VWF: variants seen among roughly 807,000 people sequenced by gnomAD.
The protein encoded by VWF is Factor VIII related antigen.
A neutral mutation model predicts 308.6 loss-of-function variants in VWF; 176 were observed. That is an observed-to-expected ratio of 0.57 (90% CI 0.50 to 0.65). The LOEUF is 0.65. Among genes scored for constraint, VWF ranks in the 30% least tolerant of loss-of-function variants. The pLI, the probability that VWF is intolerant of heterozygous loss-of-function variation, is 0.00. For synonymous variants in VWF, 1,385 were observed against 1,443.4 expected, an observed-to-expected ratio of 0.96 and a Z score of 0.92; for missense variants, 3,146 against 3,648.2, an observed-to-expected ratio of 0.86 and a Z score of 3.55.
chr12:6,110,587 AG>A lies in VWF; in HGVS notation c.324-6del, dbSNP rs750028498. The A allele has an allele frequency of 1.9e-6, 3 of 1,614,022 alleles. No homozygotes were observed. Among genetic ancestry groups the A allele is most frequent in the Non-Finnish European group, 2.5e-6 (3 of 1,179,970 alleles). Reference sequence around the variant, plus strand: ...GAGGCATAGGGCATGGAGACTCTGGAGGGCAAAGGCTAAGTTCAGAAGTGGG... The same window carrying A: ...GAGGCATAGGGCATGGAGACTCTGGAGGCAAAGGCTAAGTTCAGAAGTGGG... On this transcript the variant is annotated splice_polypyrimidine_tract_variant and splice_region_variant and intron_variant, in intron 4 of 51. Transcript: ENST00000261405.
At chr12:6,099,057 C>T (rs1189179522) in intron 5 of VWF, among the ~76,000 whole-genome samples, 2 of 151,572 alleles carry the variant, frequency 1.3e-5, no homozygotes, top group African/African-American at 2.4e-5. Flanking sequence ...CAGTGGCTCA[C>T]ATCTATAATT....
In VWF at chr12:5,985,678, C is replaced by T. The variant is rs764580600; in HGVS notation, c.6799-13G>A. 6.2e-6 allele frequency: 10 copies of T among 1,612,736 alleles called. No individual in the cohort carries two copies. The South Asian group carries it at 9.9e-5, about 16-fold the overall frequency. Reference sequence around the variant, plus strand: ...AGGCTTCCAGGAACTGAGGGCAAAGCGAGGTTCAGAAAGGGCACAGGACAT... The same window carrying T: ...AGGCTTCCAGGAACTGAGGGCAAAGTGAGGTTCAGAAAGGGCACAGGACAT... On this transcript the variant is annotated splice_polypyrimidine_tract_variant and intron_variant, in intron 38 of 51. Coordinates refer to ENST00000261405, the MANE Select transcript of VWF (RefSeq NM_000552.5).
intron 47 of VWF, among the ~76,000 whole-genome samples, chr12:5,961,174 C>A (rs1943310524): frequency 6.6e-6 from 1 of 152,198 alleles, no homozygotes; most frequent in Non-Finnish European, 1.5e-5. Context: ...AGGGCTCCCA[C>A]TGATTCTACC....
chr12:6,064,462 G>A (rs1944690143), intron 11 of VWF, 78 bp from the exon 12 acceptor site: 2 of 1,588,568 alleles, frequency 1.3e-6, no homozygotes, highest in Admixed American at 1.7e-5. Context: ...CTCTTAATCA[G>A]AGAAAGGCCT....
intron 18 of VWF, among the ~76,000 whole-genome samples, chr12:6,042,707 C>T (rs216291): frequency 0.48 from 73,371 of 152,120 alleles, 19,676 homozygotes; most frequent in East Asian, 0.7. Context: ...GAGCGCCTAA[C>T]AGGATAGCCA....
chr12:6,094,429 T>A (rs189928719), intron 6 of VWF, among the ~76,000 whole-genome samples: 1 of 152,268 alleles, frequency 6.6e-6, no homozygotes, highest in East Asian at 1.9e-4. Context: ...AAGAAAGAAG[T>A]GGCTTTTTTC....
In VWF at chr12:6,016,581, G is replaced by A. The variant is rs751874044; in HGVS notation, c.5246C>T (p.Pro1749Leu). The A allele has an allele frequency of 1.7e-5, 27 of 1,614,098 alleles. No homozygotes were observed. Among genetic ancestry groups the A allele is most frequent in the South Asian group, 1.2e-4 (11 of 91,086 alleles). The change falls in exon 30 of 52, where the codon CCG (proline) becomes CTG (leucine). Residue 1749 changes from proline (P) to leucine (L), a missense_variant. This residue lies in a region of VWF where 853 missense variants were observed against 1,177.8 expected (regional missense o/e 0.72). Coordinates refer to ENST00000261405, the MANE Select transcript of VWF (RefSeq NM_000552.5). The part of the protein sequence containing the change: ...TTIDVPWNVV[P>L]EKAHLLSLVD... ...AAGGCTCAGCAAATGGGCTTTCTCCGGGACCACGTTCCATGGCACGTCAAT... is the reference window on the plus strand; with the variant it reads ...AAGGCTCAGCAAATGGGCTTTCTCCAGGACCACGTTCCATGGCACGTCAAT...
intron 10 of VWF, 26 bp from the exon 11 acceptor site, chr12:6,065,299 A>G: frequency 6.2e-7 from 1 of 1,613,854 alleles, no homozygotes; most frequent in Non-Finnish European, 8.5e-7. Flanking sequence ...GGAAGGGAGA[A>G]GAATGGGAGG....
At chr12:5,971,895 G>A (rs112997025) in intron 43 of VWF, among the ~76,000 whole-genome samples, 186 bp from the exon 44 acceptor site, 1 of 152,288 alleles carries the variant, frequency 6.6e-6, no homozygotes, top group Non-Finnish European at 1.5e-5. Flanking sequence ...GTCACTAAAC[G>A]AAGTCTTACA....
intron 47 of VWF, among the ~76,000 whole-genome samples, chr12:5,965,896 C>G (rs569321406): frequency 4.3e-4 from 66 of 152,328 alleles, no homozygotes; most frequent in African/African-American, 1.5e-3. Context: ...GTGGCTTGCA[C>G]TCCCCTGGGA....
At chr12:6,092,628 T>TGAGAGAGA (rs1565386731) in intron 6 of VWF, among the ~76,000 whole-genome samples, 3 of 80,192 alleles carry the variant, frequency 3.7e-5, no homozygotes, top group African/African-American at 1.5e-4. Flanking sequence ...AGTGTGTGTG[T>TGAGAGAGA]GTGTGTGTGT....
intron 44 of VWF, 109 bp downstream of exon 44, chr12:5,971,490 G>T: frequency 1.1e-6 from 1 of 888,634 alleles, no homozygotes; most frequent in South Asian, 1.4e-5. Context: ...TGGGTGAAAT[G>T]CCCAGTGGGG....
chr12:5,968,319 G>A, intron 45 of VWF, 152 bp from the exon 46 acceptor site: 1 of 853,882 alleles, frequency 1.2e-6, no homozygotes, highest in Non-Finnish European at 1.8e-6. Context: ...CCCAGCGCTG[G>A]GGGTCCTACT....
intron 8 of VWF, 137 bp downstream of exon 8, chr12:6,073,482 A>G: frequency 8.1e-7 from 1 of 1,235,074 alleles, no homozygotes; most frequent in Non-Finnish European, 1.2e-6. Context: ...CACGCTGGAC[A>G]AAGACATTTA....
chr12:5,967,991 C>T (rs546027836), intron 46 of VWF, 136 bp downstream of exon 46: 1 of 1,254,198 alleles, frequency 8.0e-7, no homozygotes, highest in East Asian at 2.3e-5. Flanking sequence ...GCACGTCCCA[C>T]AGGCAGTGGA....
intron 45 of VWF, 112 bp downstream of exon 45, chr12:5,969,099 C>T: frequency 1.6e-6 from 2 of 1,245,646 alleles, no homozygotes; most frequent in Admixed American, 4.0e-5. Flanking sequence ...AGATTTCGGT[C>T]CTATCCATTT....
intron 6 of VWF, among the ~76,000 whole-genome samples, chr12:6,079,332 C>T (rs1249664122): frequency 2.6e-5 from 4 of 152,158 alleles, no homozygotes; most frequent in African/African-American, 4.8e-5. Flanking sequence ...AAGGGCCAGG[C>T]GCGGTGGCTC....
chr12:6,016,650 C>A lies in VWF; in HGVS notation c.5177G>T (p.Arg1726Leu), dbSNP rs147313320. The change falls in exon 30 of 52, where the codon CGT becomes CTT. Residue 1726 changes from arginine to leucine, a missense_variant. Physicochemically the swap from Arg to Leu is moderately radical, Grantham distance 102. Coordinates refer to ENST00000261405, the MANE Select transcript of VWF (RefSeq NM_000552.5). ...CTGCAGCACTGACACCTGAGTGAGA[C>A]GAGGCCCTAAACGGAACGAGAAAAT... ...AFISKANIGP[R>L]LTQVSVLQYG... is the part of the protein sequence containing the mutation. 3 of 1,614,034 alleles carry A rather than the reference C, an allele frequency of 1.9e-6. No individual in the cohort carries two copies. The highest frequency in any genetic ancestry group is 1.3e-5 in the African/African-American group (1 of 74,882).
At chr12:6,090,523 C>T (rs1208646513) in intron 6 of VWF, among the ~76,000 whole-genome samples, 2 of 152,094 alleles carry the variant, frequency 1.3e-5, no homozygotes, top group African/African-American at 2.4e-5. Flanking sequence ...CTGCTTCTGC[C>T]GGCTCCCATT....
Sources: gnomAD v4.1 joint callset for allele counts (sites outside exome capture counted in the v4.1 genomes callset) on GRCh38, gnomAD v4.1.1 for gene constraint, gnomAD v4.1.1 regional missense constraint, MANE v1.5 for transcripts, NCBI Gene and HGNC (gene_info 2026-07-23, HGNC 2026-07-21) for gene names.